Variants in RUFY3 observed in about 807,000 individuals in gnomAD.
The protein encoded by RUFY3 is protein RUFY3.
A neutral mutation model predicts 84.0 loss-of-function variants in RUFY3; 34 were observed. That is an observed-to-expected ratio of 0.40 (90% confidence interval 0.31 to 0.54). RUFY3 has a LOEUF of 0.54. RUFY3 is among the 20% of genes least tolerant of loss of function. RUFY3 has a pLI of 0.39. For synonymous variants in RUFY3, 242 were observed against 252.9 expected (o/e 0.96, Z 0.41); for missense variants, 507 against 736.8 (o/e 0.69, Z 3.61).
chr4:70,788,307 C>T (rs56768630), intron 10 of RUFY3, among the ~76,000 whole-genome samples: 2 of 150,972 alleles, frequency 1.3e-5, no homozygotes, highest in South Asian at 2.1e-4. Context: ...AAAATCTGTT[C>T]GCCTCGTAAC....
intron 1 of RUFY3, among the ~76,000 whole-genome samples, chr4:70,708,947 A>G (rs1318424207): frequency 6.6e-6 from 1 of 152,156 alleles, no homozygotes; most frequent in Non-Finnish European, 1.5e-5. Context: ...GGTGCCAACT[A>G]CTCAGGAGTC....
chr4:70,729,563 T>C (rs1470677744), intron 1 of RUFY3, among the ~76,000 whole-genome samples: 2 of 152,158 alleles, frequency 1.3e-5, no homozygotes, highest in Non-Finnish European at 2.9e-5. Flanking sequence ...TGAGTTTTTC[T>C]CTCCTCTTAA....
At chr4:70,806,485 C>T (rs1350106521) in intron 17 of RUFY3, 31 bp from the exon 18 acceptor site, 27 of 1,612,036 alleles carry the variant, frequency 1.7e-5, no homozygotes, top group Non-Finnish European at 2.3e-5. Flanking sequence ...TGCTCATCTT[C>T]TATTCCCCGC....
chr4:70,782,571 C>T (rs145912638), intron 8 of RUFY3, among the ~76,000 whole-genome samples: 4,072 of 152,112 alleles, frequency 0.027, 79 homozygotes, highest in Middle Eastern at 0.054. Flanking sequence ...GCATGAGCCA[C>T]TGCACCTGGC....
chr4:70,735,538 A>G (rs1445243598), intron 1 of RUFY3, among the ~76,000 whole-genome samples: 1 of 152,012 alleles, frequency 6.6e-6, no homozygotes, highest in Non-Finnish European at 1.5e-5. Flanking sequence ...TGTTGAAAAT[A>G]GTGTTTTCAA....
At chr4:70,758,622 G>A (rs138552213) in intron 1 of RUFY3, among the ~76,000 whole-genome samples, 163 of 151,838 alleles carry the variant, frequency 1.1e-3, no homozygotes, top group African/African-American at 3.8e-3. Flanking sequence ...CTGACATTTT[G>A]GCTCATGTAT....
chr4:70,754,323 G>A (rs1723630030), intron 1 of RUFY3, among the ~76,000 whole-genome samples: 4 of 152,212 alleles, frequency 2.6e-5, no homozygotes, highest in Middle Eastern at 3.4e-3. Context: ...AAAGTGCTGG[G>A]ATTACAGGTG....
upstream of RUFY3, among the ~76,000 whole-genome samples, chr4:70,717,374 G>A (rs2148574072): frequency 6.6e-6 from 1 of 152,242 alleles, no homozygotes; most frequent in East Asian, 1.9e-4. Flanking sequence ...GTGAGCCCAT[G>A]ACAGAAAAGT....
intron 1 of RUFY3, chr4:70,734,334 A>C (rs1376112257): frequency 2.8e-5 from 24 of 869,158 alleles, no homozygotes; most frequent in Non-Finnish European, 3.2e-5. Context: ...TCACTGTGGC[A>C]CACCCCCTTT....
chr4:70,793,316 G>GA (rs1731095889), intron 12 of RUFY3: 1 of 1,001,678 alleles, frequency 1.0e-6, no homozygotes, highest in East Asian at 1.1e-4. Flanking sequence ...GAAAGGACAA[G>GA]AAAAAACTAT....
Position 70,734,591 on chromosome 4 carries a change from A to C in RUFY3, c.178+11840A>C, listed in dbSNP as rs1055251248. 5 of 984,764 alleles carry C rather than the reference A, an allele frequency of 5.1e-6. No individual in the cohort carries two copies. In the African/African-American group the frequency reaches 8.7e-5, roughly 17 times the overall value. 61.0% of individuals were successfully genotyped at this position (984,764 alleles called of 1,614,324 possible). On this transcript the variant is annotated intron_variant, in intron 1 of 17. Transcript: ENST00000381006. ...AAATAACCTGGCTAGTCACCCTTTC[A>C]AGGTAAGTTTTACCCACTTAGCTTC... is the stretch of plus-strand genomic sequence containing the variant.
intron 1 of RUFY3, among the ~76,000 whole-genome samples, chr4:70,758,948 G>A (rs1251274874): frequency 1.3e-5 from 2 of 151,942 alleles, no homozygotes; most frequent in African/African-American, 4.8e-5. Context: ...CGAGGCAGGA[G>A]AATGACATGA....
chr4:70,808,404 C>G lies in RUFY3; in HGVS notation c.*1745C>G, dbSNP rs1455075147. On this transcript the variant is annotated 3_prime_UTR_variant, in exon 18 of 18. Coordinates refer to ENST00000381006, the MANE Select transcript of RUFY3 (RefSeq NM_001037442.4). ...TGTTACGTGTGTCTATAGATTGTTT[C>G]ATTCTAATCAAGACCTAAGAAGGTA... Among the ~76,000 whole-genome samples, 1 of 152,142 alleles carries G rather than the reference C, an allele frequency of 6.6e-6. No individual in the cohort carries two copies. Among genetic ancestry groups the G allele is most frequent in the Admixed American group, 6.5e-5 (1 of 15,270 alleles).
chr4:70,796,051 G>A (rs1731458362), intron 14 of RUFY3, among the ~76,000 whole-genome samples: 1 of 152,102 alleles, frequency 6.6e-6, no homozygotes, highest in African/African-American at 2.4e-5. Flanking sequence ...TATTAGCCAG[G>A]TGTGGTGGCA....
intron 1 of RUFY3, among the ~76,000 whole-genome samples, chr4:70,744,654 ATTTT>A (rs112584509): frequency 7.8e-6 from 1 of 128,214 alleles, no homozygotes; most frequent in African/African-American, 2.9e-5. Flanking sequence ...CTTATTTTGA[ATTTT>A]TTTTTTTTTT....
chr4:70,794,051 G>A (rs58010457), intron 13 of RUFY3, 147 bp downstream of exon 13: 42,012 of 845,362 alleles, frequency 0.05, 2,085 homozygotes, highest in East Asian at 0.21. Context: ...AAAGCTTCAC[G>A]TACTTCAACA....
Position 70,722,609 on chromosome 4 carries a change from C to A in RUFY3, c.36C>A (p.Thr12=), listed in dbSNP as rs143232819. Residue 12 remains threonine (T), a synonymous_variant, in exon 1 of 18, where the codon ACC becomes ACA. Coordinates refer to ENST00000381006, the MANE Select transcript of RUFY3 (RefSeq NM_001037442.4). The stretch of plus-strand genomic sequence containing the variant: ...TGACGCCTCCGACCGATATGCCAAC[C>A]CCCACCACTGACAAGATCACACAGG... ...SALTPPTDMP[T]PTTDKITQAA... The A allele has an allele frequency of 1.5e-5, 25 of 1,613,656 alleles. No individual in the cohort carries two copies. Among genetic ancestry groups the A allele is most frequent in the Non-Finnish European group, 1.9e-5 (23 of 1,179,942 alleles).
At chr4:70,705,684 C>A (rs1356660181) in intron 1 of RUFY3, among the ~76,000 whole-genome samples, 1 of 152,184 alleles carries the variant, frequency 6.6e-6, no homozygotes, top group Non-Finnish European at 1.5e-5. Flanking sequence ...TGGGAACCTT[C>A]CCCGAAGGAG....
intron 1 of RUFY3, among the ~76,000 whole-genome samples, chr4:70,750,961 A>C (rs1048786610): frequency 6.6e-6 from 1 of 152,280 alleles, no homozygotes; most frequent in Admixed American, 6.5e-5. Flanking sequence ...TGGGCATATC[A>C]TATTTTGTCT....
Sources: allele counts gnomAD v4.1 joint callset (sites outside exome capture counted in the v4.1 genomes callset), GRCh38; gene constraint gnomAD v4.1.1; transcripts MANE v1.5; gene names NCBI Gene and HGNC (gene_info 2026-07-23, HGNC 2026-07-21).